PACS1: variants seen among roughly 807,000 people sequenced by gnomAD.
The protein encoded by PACS1 is phosphofurin acidic cluster sorting protein 1.
PACS1 carries 24 observed loss-of-function variants against 115.0 expected under a neutral mutation model. The observed-to-expected ratio is 0.21, with a 90% confidence interval of 0.15 to 0.29. PACS1 has a LOEUF of 0.29. Ranked by LOEUF, PACS1 falls within the 10% of genes least tolerant of loss-of-function variation. The probability of loss-of-function intolerance (pLI) is 1.00; values close to 1 mark genes in which losing one functional copy is unlikely to be tolerated. For missense variants in PACS1, 838 were observed against 1,251.2 expected (o/e 0.67, Z 4.98); for synonymous variants, 453 against 504.5 (o/e 0.90, Z 1.37).
intron 1 of PACS1, among the ~76,000 whole-genome samples, chr11:66,126,236 C>T (rs11603555): frequency 6.6e-6 from 1 of 152,144 alleles, no homozygotes; most frequent in African/African-American, 2.4e-5. Flanking sequence ...CAGTGGCCTG[C>T]TGGGGAACAC....
At chr11:66,095,369 G>T (rs990224920) in intron 1 of PACS1, among the ~76,000 whole-genome samples, 2 of 152,062 alleles carry the variant, frequency 1.3e-5, no homozygotes, top group African/African-American at 2.4e-5. Flanking sequence ...CAAAATCAAT[G>T]TACAAAAATC....
chr11:66,129,455 A>ATATTATTATTATTATTATTAT, intron 1 of PACS1, among the ~76,000 whole-genome samples: 1 of 140,388 alleles, frequency 7.1e-6, no homozygotes, highest in East Asian at 2.0e-4. Context: ...GGTTTAAAAA[A>ATATTATTATTATTATTATTAT]TATTATTATT....
chr11:66,109,070 C>G (rs1451428154), intron 1 of PACS1, among the ~76,000 whole-genome samples: 2 of 152,188 alleles, frequency 1.3e-5, no homozygotes, highest in Non-Finnish European at 2.9e-5. Flanking sequence ...GCTTCAGGTG[C>G]AATATCTCAC....
chr11:66,185,599 C>T (rs1407941322), intron 1 of PACS1, among the ~76,000 whole-genome samples: 1 of 152,148 alleles, frequency 6.6e-6, no homozygotes, highest in Non-Finnish European at 1.5e-5. Context: ...CAGCCAGCTG[C>T]CATATCCCCA....
chr11:66,176,899 A>C (rs1397391190), intron 1 of PACS1, among the ~76,000 whole-genome samples: 1 of 152,164 alleles, frequency 6.6e-6, no homozygotes, highest in African/African-American at 2.4e-5. Context: ...ACTCCTTTGC[A>C]TTCCATAGTA....
chr11:66,202,496 A>G (rs573898578), intron 2 of PACS1, among the ~76,000 whole-genome samples: 10 of 152,118 alleles, frequency 6.6e-5, no homozygotes, highest in African/African-American at 2.4e-4. Flanking sequence ...ACCAAGTGAG[A>G]TCCCAGGGAT....
chr11:66,193,538 G>A lies in PACS1; in HGVS notation c.409G>A (p.Asp137Asn). The A allele has an allele frequency of 6.2e-7, 1 of 1,613,960 alleles. No homozygotes were observed. Among genetic ancestry groups the A allele is most frequent in the Non-Finnish European group, 8.5e-7 (1 of 1,179,832 alleles). ...KLVMLKEMDK[D>N]LNSVVIAVKL... ...CGTCATGCTAAAAGAAATGGACAAA[G>A]ATCTTAACTCAGTGGTCATCGCTGT... is the stretch of plus-strand genomic sequence containing the variant. The change falls in exon 2 of 24, where the codon GAT becomes AAT. Residue 137 changes from aspartate to asparagine, a missense_variant. Physicochemically the swap from Asp to Asn is conservative, Grantham distance 23. Coordinates refer to ENST00000320580, the MANE Select transcript of PACS1 (RefSeq NM_018026.4).
At chr11:66,159,218 A>G (rs568779716) in intron 1 of PACS1, among the ~76,000 whole-genome samples, 98 of 152,316 alleles carry the variant, frequency 6.4e-4, no homozygotes, top group Admixed American at 1.0e-3. Context: ...CAGGTGGATC[A>G]CCTGAAGTCG....
intron 1 of PACS1, among the ~76,000 whole-genome samples, chr11:66,186,110 A>C (rs908564292): frequency 6.6e-6 from 1 of 151,942 alleles, no homozygotes; most frequent in East Asian, 1.9e-4. Flanking sequence ...CTGCAAAAAA[A>C]ATTTTTTTTT....
chr11:66,149,297 G>A (rs7931477), intron 1 of PACS1, among the ~76,000 whole-genome samples: 31,150 of 151,594 alleles, frequency 0.21, 3,282 homozygotes, highest in Middle Eastern at 0.28. Context: ...TCACCACGTT[G>A]GTCAGGCTGG....
intron 1 of PACS1, among the ~76,000 whole-genome samples, chr11:66,171,979 A>T (rs1859751268): frequency 6.6e-6 from 1 of 152,186 alleles, no homozygotes; most frequent in African/African-American, 2.4e-5. Context: ...AAGAGTTTAA[A>T]GTTAGTCAAT....
chr11:66,221,823 A>G (rs1355397938), intron 10 of PACS1, among the ~76,000 whole-genome samples: 2 of 151,894 alleles, frequency 1.3e-5, no homozygotes, highest in East Asian at 1.9e-4. Context: ...AATACATACA[A>G]TCTCCCCCTC....
At chr11:66,161,929 T>C (rs1051358884) in intron 1 of PACS1, among the ~76,000 whole-genome samples, 1 of 152,102 alleles carries the variant, frequency 6.6e-6, no homozygotes, top group African/African-American at 2.4e-5. Flanking sequence ...ACACACATTA[T>C]TTTAGGAGCC....
At chr11:66,156,810 G>T (rs1339843498) in intron 1 of PACS1, among the ~76,000 whole-genome samples, 1 of 150,770 alleles carries the variant, frequency 6.6e-6, no homozygotes, top group African/African-American at 2.4e-5. Flanking sequence ...CCGAGATGGC[G>T]CCACTGCACT....
At chr11:66,092,149 G>A (rs1456023659) in intron 1 of PACS1, among the ~76,000 whole-genome samples, 1 of 152,080 alleles carries the variant, frequency 6.6e-6, no homozygotes, top group Admixed American at 6.6e-5. Flanking sequence ...CAGTGTAAAA[G>A]TGTTCCTATT....
At position 66,227,535 on chromosome 11, in the gene PACS1, C is replaced by A; in HGVS notation, c.1325C>A (p.Ser442Tyr). The A allele has an allele frequency of 6.2e-7, 1 of 1,611,120 alleles. No individual in the cohort carries two copies. The highest frequency in any genetic ancestry group is 1.1e-5 in the South Asian group (1 of 90,846). The change falls in exon 11 of 24, where the codon TCT (serine) becomes TAT (tyrosine). Residue 442 changes from serine to tyrosine, a missense_variant. Ser to Tyr is a moderately radical substitution (Grantham distance 144). Coordinates refer to ENST00000320580, the MANE Select transcript of PACS1 (RefSeq NM_018026.4). ...TTGGCTGCTCTAGAAAAAATTAAAT[C>A]TACTTGGATTAAAAACCAAGATGAC... ...MELAALEKIK[S>Y]TWIKNQDDSL...
chr11:66,144,538 A>T (rs1859074620), intron 1 of PACS1, among the ~76,000 whole-genome samples: 1 of 152,262 alleles, frequency 6.6e-6, no homozygotes, highest in South Asian at 2.1e-4. Context: ...TTAGATCAAT[A>T]TAGAGTTGTA....
intron 1 of PACS1, among the ~76,000 whole-genome samples, chr11:66,132,661 A>C (rs1223330712): frequency 6.6e-6 from 1 of 152,034 alleles, no homozygotes; most frequent in East Asian, 1.9e-4. Context: ...TTTCCCCCTA[A>C]ATATACATAT....
chr11:66,211,290 C>T (rs1855064991), intron 4 of PACS1, 31 bp downstream of exon 4: 1 of 1,610,410 alleles, frequency 6.2e-7, no homozygotes, highest in African/African-American at 1.3e-5. Context: ...AGACTGTTGG[C>T]CTTTGAGTCA....
Sources: allele counts gnomAD v4.1 joint callset (sites outside exome capture counted in the v4.1 genomes callset), GRCh38; gene constraint gnomAD v4.1.1; transcripts MANE v1.5; gene names NCBI Gene and HGNC (gene_info 2026-07-23, HGNC 2026-07-21).